MYLK3: variants seen among roughly 807,000 people sequenced by gnomAD.
The protein encoded by MYLK3 is MLC kinase.
Under a neutral mutation model 76.3 loss-of-function variants are expected in MYLK3, and 55 were observed. The ratio of observed to expected loss-of-function variants is 0.72; its 90% confidence interval spans 0.58 to 0.90. The LOEUF is 0.90. MYLK3 is among the 40% of genes least tolerant of loss of function. MYLK3 has a pLI of 0.00. For missense variants in MYLK3, 973 were observed against 1,053.6 expected, an observed-to-expected ratio of 0.92 and a Z score of 1.06; for synonymous variants, 416 against 425.4, an observed-to-expected ratio of 0.98 and a Z score of 0.27.
rs554842453 is a variant in MYLK3, at chr16:46,755,243, A to T, written c.-114+7797T>A. Reference sequence around the variant, plus strand: ...AGCTGCTTTGACGATATACTCCAGCAAAATGAGGGGGTAAACAGCCTGGCC... The same window carrying T: ...AGCTGCTTTGACGATATACTCCAGCTAAATGAGGGGGTAAACAGCCTGGCC... On this transcript the variant is annotated intron_variant, in intron 1 of 11. Transcript: ENST00000536476. Among the ~76,000 whole-genome samples, 65 of 152,154 alleles carry T rather than the reference A, an allele frequency of 4.3e-4. No individual in the cohort carries two copies. The South Asian group carries it at 0.013, about 30-fold the overall frequency.
chr16:46,724,907 T>A (rs1357664685), intron 8 of MYLK3, among the ~76,000 whole-genome samples: 3 of 152,232 alleles, frequency 2.0e-5, no homozygotes, highest in Non-Finnish European at 2.9e-5. Flanking sequence ...CAATATTAAA[T>A]TTTCCAATCC....
intron 1 of MYLK3, among the ~76,000 whole-genome samples, chr16:46,743,573 T>C (rs1240833106): frequency 1.3e-5 from 2 of 152,130 alleles, no homozygotes; most frequent in Admixed American, 1.3e-4. Context: ...TCCTAACATG[T>C]TTATTAAACG....
chr16:46,727,420 C>T (rs1596757926), intron 7 of MYLK3, 43 bp from the exon 8 acceptor site: 4 of 1,568,390 alleles, frequency 2.6e-6, no homozygotes, highest in Non-Finnish European at 3.5e-6. Context: ...CTAAGCAAGG[C>T]TCTTCAGGGC....
Position 46,703,998 on chromosome 16 carries a change from T to G in MYLK3, c.*3706A>C, listed in dbSNP as rs1485551931. ...AGTTATGTTTCAAACAACTTGAGTA[T>G]GTAAATACATTTTCCACAGTAAGTT... On this transcript the variant is annotated 3_prime_UTR_variant, in exon 13 of 13. Transcript: ENST00000394809. The G allele has an allele frequency of 6.5e-6, 1 of 153,418 alleles. No individual in the cohort carries two copies. Among genetic ancestry groups the G allele is most frequent in the Non-Finnish European group, 1.5e-5 (1 of 68,040 alleles). The allele number at this position is 153,418 out of a possible 1,614,324, so 9.5% of individuals were successfully genotyped here. A position where few individuals can be genotyped will look rare whatever the true frequency, so the allele number is the denominator to read the frequency against.
chr16:46,702,387 T>C lies in MYLK3; in HGVS notation c.*5317A>G, dbSNP rs562662698. Reference sequence around the variant, plus strand: ...AAAGAGGACAGTATAATGAAACCCATACACATCACCTAGACCCAAGTTATT... The same window carrying C: ...AAAGAGGACAGTATAATGAAACCCACACACATCACCTAGACCCAAGTTATT... On this transcript the variant is annotated 3_prime_UTR_variant, in exon 13 of 13. Transcript: ENST00000394809. 3.3e-5 allele frequency among the ~76,000 whole-genome samples: 5 copies of C among 152,286 alleles called. No homozygotes were observed. Among genetic ancestry groups the C allele is most frequent in the African/African-American group, 7.2e-5 (3 of 41,570 alleles).
rs779533825 is a variant in MYLK3 at position 46,732,592 on chromosome 16, G to A, written c.1078C>T (p.Leu360Phe). The A allele has an allele frequency of 1.0e-5, 16 of 1,596,570 alleles. No homozygotes were observed. The highest frequency in any genetic ancestry group is 1.3e-5 in the Non-Finnish European group (15 of 1,178,368). ...GCAGCTGCTGGAGCCTCTGTGGTGAGGGTGGGTCCAAGGCTGCCCCTGCCT... is the reference window on the plus strand; with the variant it reads ...GCAGCTGCTGGAGCCTCTGTGGTGAAGGTGGGTCCAAGGCTGCCCCTGCCT... ...MTGRGSLGPT[L>F]TTEAPAAAQP... Residue 360 changes from leucine (L) to phenylalanine (F), a missense_variant, in exon 4 of 13, where the codon CTC (leucine) becomes TTC (phenylalanine). Coordinates refer to ENST00000394809, the MANE Select transcript of MYLK3 (RefSeq NM_182493.3).
chr16:46,738,671 G>A (rs1966885990), intron 2 of MYLK3, among the ~76,000 whole-genome samples: 2 of 152,360 alleles, frequency 1.3e-5, no homozygotes, highest in East Asian at 3.9e-4. Context: ...TAAGAAGGGA[G>A]CATGTGTGAG....
chr16:46,715,221 A>G (rs1198931363), intron 9 of MYLK3, among the ~76,000 whole-genome samples: 3 of 152,214 alleles, frequency 2.0e-5, no homozygotes, highest in Admixed American at 6.5e-5. Flanking sequence ...GCTGTGTTTA[A>G]CAACTGGATT....
At position 46,740,073 on chromosome 16, in the gene MYLK3, G is replaced by T; in HGVS notation, c.552C>A (p.Ala184=). The part of the protein sequence containing the change: ...VLSTSGVQSD[A]REPGEESQKA... ...CCCACTCACCTTCCCCAGGCTCCCT[G>T]GCATCAGACTGCACCCCACTGGTGC... is the stretch of plus-strand genomic sequence containing the variant. The change falls in exon 2 of 13, where the codon GCC becomes GCA. Residue 184 remains alanine (A), a synonymous_variant. Coordinates refer to ENST00000394809, the MANE Select transcript of MYLK3 (RefSeq NM_182493.3). 1 of 1,611,368 alleles carries T rather than the reference G, an allele frequency of 6.2e-7. No individual in the cohort carries two copies. The highest frequency in any genetic ancestry group is 1.1e-5 in the South Asian group (1 of 90,706).
In MYLK3 at chr16:46,710,510, A is replaced by C. The variant is rs758635251; in HGVS notation, c.2267+127T>G. ...CCCTTTATTTTTCCAAAGAAGTAGC[A>C]AACTAAGAAATCTTGAATGGAATTT... On this transcript the variant is annotated intron_variant, in intron 11 of 12. Transcript: ENST00000394809. 106 of 1,088,086 alleles carry C rather than the reference A, an allele frequency of 9.7e-5. 1 individual carries two copies. In the Admixed American group the frequency reaches 2.4e-3, roughly 25 times the overall value. The allele number at this position is 1,088,086 out of a possible 1,614,324, so 67.4% of individuals were successfully genotyped here.
At chr16:46,713,414 GC>G (rs1966705192) in intron 9 of MYLK3, among the ~76,000 whole-genome samples, 1 of 151,980 alleles carries the variant, frequency 6.6e-6, no homozygotes, top group Non-Finnish European at 1.5e-5. Flanking sequence ...GCCCAGGCTG[GC>G]CTCAAACTCC....
intron 1 of MYLK3, among the ~76,000 whole-genome samples, chr16:46,754,417 A>G (rs1482811661): frequency 6.6e-6 from 1 of 152,220 alleles, no homozygotes; most frequent in Non-Finnish European, 1.5e-5. Flanking sequence ...TTAAGAAGCA[A>G]CTGGATCACG....
At position 46,747,872 on chromosome 16, in the gene MYLK3, C is replaced by T. The variant is rs747034841; in HGVS notation, c.322G>A (p.Gly108Ser). The T allele has an allele frequency of 1.1e-5, 18 of 1,613,906 alleles. No individual in the cohort carries two copies. Among genetic ancestry groups the T allele is most frequent in the African/African-American group, 1.3e-5 (1 of 74,940 alleles). The change falls in exon 1 of 13, where the codon GGT becomes AGT. Residue 108 changes from glycine to serine, a missense_variant. Coordinates refer to ENST00000394809, the MANE Select transcript of MYLK3 (RefSeq NM_182493.3). ...CTGAAGAGGGCCTCCAGCCTGGCAC[C>T]GTGCTGGGCCGCATCCTGCTGCATG... ...RAMQQDAAQH[G>S]ARLEALFRMV... is the part of the protein sequence containing the mutation.
At position 46,732,372 on chromosome 16, in the gene MYLK3, C is replaced by T. The variant is rs571434659; in HGVS notation, c.1298G>A (p.Ser433Asn). 17 of 1,613,674 alleles carry T rather than the reference C, an allele frequency of 1.1e-5. No individual in the cohort carries two copies. In the East Asian group the frequency reaches 2.9e-4, roughly 28 times the overall value. Residue 433 changes from serine (S) to asparagine (N), a missense_variant, in exon 4 of 13, where the codon AGT becomes AAT. Around this residue, in one of 2 missense-constraint regions of MYLK3, gnomAD observed 641 missense variants for 637.0 expected, o/e 1.01. Coordinates refer to ENST00000394809, the MANE Select transcript of MYLK3 (RefSeq NM_182493.3). ...CCCAACCTCGTGGTCATTGTCGTCA[C>T]TCCTGGCCAAGCTTGGTCTCGTGCC... is the stretch of plus-strand genomic sequence containing the variant. ...EPGTRPSLAR[S>N]DDNDHEVGAL... is the part of the protein sequence containing the mutation.
In MYLK3 at chr16:46,705,940, C is replaced by A; in HGVS notation, c.*1764G>T. The A allele has an allele frequency of 6.6e-6, 1 of 152,180 alleles. No homozygotes were observed. The highest frequency in any genetic ancestry group is 1.5e-5 in the Non-Finnish European group (1 of 68,652). 9.4% of individuals were successfully genotyped at this position (152,180 alleles called of 1,614,324 possible). A position where few individuals can be genotyped will look rare whatever the true frequency, so the allele number is the denominator to read the frequency against. On this transcript the variant is annotated 3_prime_UTR_variant, in exon 13 of 13. Coordinates refer to ENST00000394809, the MANE Select transcript of MYLK3 (RefSeq NM_182493.3). ...GAGCCAAGATCACACCACTGCACTG[C>A]AGCCTGGGCAACAGAGTGAGACCCT...
At chr16:46,744,863 A>T (rs1412619838) in intron 1 of MYLK3, among the ~76,000 whole-genome samples, 1 of 152,160 alleles carries the variant, frequency 6.6e-6, no homozygotes, top group East Asian at 1.9e-4. Flanking sequence ...AAAGTTATTC[A>T]CTTTTTTAGG....
upstream of MYLK3, among the ~76,000 whole-genome samples, chr16:46,750,176 C>G (rs1356409882): frequency 6.6e-6 from 1 of 152,180 alleles, no homozygotes; most frequent in African/African-American, 2.4e-5. Context: ...CCCTGCAGAT[C>G]GGGGCTCCCT....
At chr16:46,723,938 C>T (rs537507543) in intron 8 of MYLK3, among the ~76,000 whole-genome samples, 23 of 152,256 alleles carry the variant, frequency 1.5e-4, no homozygotes, top group African/African-American at 2.4e-4. Context: ...CGTGAGCCAC[C>T]GTGCCCAGAC....
chr16:46,747,165 G>A (rs780990901), intron 1 of MYLK3, among the ~76,000 whole-genome samples: 10 of 152,112 alleles, frequency 6.6e-5, no homozygotes, highest in Non-Finnish European at 7.4e-5. Flanking sequence ...AGGAACAGCC[G>A]CTCCCAGGAA....
Sources: gnomAD v4.1 joint callset for allele counts (sites outside exome capture counted in the v4.1 genomes callset) on GRCh38, gnomAD v4.1.1 for gene constraint, gnomAD v4.1.1 regional missense constraint, MANE v1.5 for transcripts, NCBI Gene and HGNC (gene_info 2026-07-23, HGNC 2026-07-21) for gene names.